BCLAF1: variants seen among roughly 807,000 people sequenced by gnomAD.
BCLAF1 encodes bcl-2-associated transcription factor 1.
Under a neutral mutation model 99.5 loss-of-function variants are expected in BCLAF1, and 10 were observed. The ratio of observed to expected loss-of-function variants is 0.10; its 90% CI spans 0.06 to 0.17. The LOEUF (loss-of-function observed/expected upper bound fraction) is 0.17. Ranked by LOEUF, BCLAF1 falls within the 10% of genes least tolerant of loss-of-function variation. BCLAF1 has a pLI of 1.00. For missense variants in BCLAF1, 636 were observed against 1,105.8 expected, an observed-to-expected ratio of 0.58 and a Z score of 6.02; for synonymous variants, 255 against 370.9, an observed-to-expected ratio of 0.69 and a Z score of 3.59.
At position 136,257,540 on chromosome 6, in the gene BCLAF1, A is replaced by T. The variant is rs1490978565; in HGVS notation, c.*3570T>A. The T allele has an allele frequency of 1.3e-5, 2 of 152,222 alleles. No individual in the cohort carries two copies. Among genetic ancestry groups the T allele is most frequent in the Non-Finnish European group, 2.9e-5 (2 of 68,014 alleles). 9.4% of individuals were successfully genotyped at this position (152,222 alleles called of 1,614,324 possible). On this transcript the variant is annotated 3_prime_UTR_variant, in exon 13 of 13. Coordinates refer to ENST00000531224, the MANE Select transcript of BCLAF1 (RefSeq NM_014739.3). ...TTCCATATATTCCTGAATCCTAAGA[A>T]ATGTAAAACTTGTTCATTTAAACTT...
intron 1 of BCLAF1, among the ~76,000 whole-genome samples, chr6:136,288,869 A>C (rs1384037615): frequency 6.6e-6 from 1 of 152,182 alleles, no homozygotes; most frequent in Non-Finnish European, 1.5e-5. Flanking sequence ...GGGCTGAATC[A>C]CTTGAAAAGA....
chr6:136,265,391 AT>A (rs1019214125), intron 11 of BCLAF1, among the ~76,000 whole-genome samples: 33 of 152,164 alleles, frequency 2.2e-4, no homozygotes, highest in African/African-American at 6.8e-4. Context: ...ACAGATTTAG[AT>A]TCCTTCCTCT....
At chr6:136,287,209 C>A (rs1785260700) in intron 1 of BCLAF1, among the ~76,000 whole-genome samples, 2 of 151,554 alleles carry the variant, frequency 1.3e-5, no homozygotes, top group African/African-American at 4.9e-5. Flanking sequence ...ACTTGGGAGG[C>A]TGAGATACGA....
At chr6:136,261,588 G>A in intron 11 of BCLAF1, 111 bp from the exon 12 acceptor site, 1 of 1,114,530 alleles carries the variant, frequency 9.0e-7, no homozygotes, top group Non-Finnish European at 1.3e-6. Context: ...TATGAGATTG[G>A]TAATATTCTA....
At chr6:136,281,528 A>G (rs1397041083) in intron 2 of BCLAF1, among the ~76,000 whole-genome samples, 3 of 152,194 alleles carry the variant, frequency 2.0e-5, no homozygotes, top group African/African-American at 7.2e-5. Context: ...ATTCATTCTG[A>G]TCGAATTTAC....
chr6:136,268,579 AG>A, intron 9 of BCLAF1: 1 of 407,438 alleles, frequency 2.5e-6, no homozygotes, highest in East Asian at 4.8e-5. Flanking sequence ...TAGTCTGTAA[AG>A]GTCAAGAATA....
intron 1 of BCLAF1, among the ~76,000 whole-genome samples, chr6:136,283,697 C>A (rs1443045586): frequency 6.6e-6 from 1 of 151,992 alleles, no homozygotes; most frequent in Non-Finnish European, 1.5e-5. Flanking sequence ...AAAAATAAAA[C>A]GAGACTGGAA....
rs1780955163 is a variant in BCLAF1, at chr6:136,261,325, T to C, written c.2697A>G (p.Glu899=). ...TATTTTCCATGGTCTCTTCTTCATC[T>C]TCAACAATCCCATCCCCTTGGTATT... ...HDKYQGDGIV[E]DEEETMENNE... is the part of the protein sequence containing the mutation. The change falls in exon 12 of 13, where the codon GAA becomes GAG. Residue 899 remains glutamate, a synonymous_variant. Coordinates refer to ENST00000531224, the MANE Select transcript of BCLAF1 (RefSeq NM_014739.3). 2 of 1,613,882 alleles carry C rather than the reference T, an allele frequency of 1.2e-6. No homozygotes were observed. The highest frequency in any genetic ancestry group is 2.7e-5 in the African/African-American group (2 of 74,918).
chr6:136,273,507 T>G, intron 6 of BCLAF1: 1 of 204,536 alleles, frequency 4.9e-6, no homozygotes. Flanking sequence ...ATGGATGCTC[T>G]AATACCTTGC....
rs1484620457 is a variant in BCLAF1, at chr6:136,261,250, G to C, written c.2757+15C>G. The stretch of plus-strand genomic sequence containing the variant: ...CAAAAAAAATCTGTCAGAATCACAA[G>C]TTGAAATTTTATACCTTTTCTTCCT... On this transcript the variant is annotated intron_variant, in intron 12 of 12. Transcript: ENST00000531224. The C allele has an allele frequency of 1.9e-6, 3 of 1,607,126 alleles. No homozygotes were observed. Among genetic ancestry groups the C allele is most frequent in the Non-Finnish European group, 2.5e-6 (3 of 1,177,604 alleles).
At chr6:136,282,833 CTT>C (rs1220931018) in intron 1 of BCLAF1, 146 bp from the exon 2 acceptor site, 1 of 152,166 alleles carries the variant, frequency 6.6e-6, no homozygotes, top group Non-Finnish European at 1.5e-5. Flanking sequence ...AAATAGGAAA[CTT>C]TTAACCGTAA....
chr6:136,288,348 G>A (rs1785448071), intron 1 of BCLAF1, among the ~76,000 whole-genome samples: 1 of 152,146 alleles, frequency 6.6e-6, no homozygotes, highest in African/African-American at 2.4e-5. Flanking sequence ...AACTCCCGCC[G>A]AGGGGCCACT....
At chr6:136,264,256 GA>G (rs2128467625) in intron 11 of BCLAF1, among the ~76,000 whole-genome samples, 1 of 152,280 alleles carries the variant, frequency 6.6e-6, no homozygotes, top group Admixed American at 6.5e-5. Flanking sequence ...ACACAGGCTG[GA>G]GTATAATGGC....
intron 1 of BCLAF1, among the ~76,000 whole-genome samples, chr6:136,288,392 G>A (rs1785455785): frequency 6.6e-6 from 1 of 152,126 alleles, no homozygotes; most frequent in Non-Finnish European, 1.5e-5. Context: ...ATCCTGAATT[G>A]GTCATGATCA....
chr6:136,273,819 T>C lies in BCLAF1; in HGVS notation c.1853-632A>G, dbSNP rs1325303276. 3 of 378,188 alleles carry C rather than the reference T, an allele frequency of 7.9e-6. No individual in the cohort carries two copies. The East Asian group carries it at 3.2e-4, about 41-fold the overall frequency. 23.4% of individuals were successfully genotyped at this position (378,188 alleles called of 1,614,324 possible). On this transcript the variant is annotated intron_variant, in intron 6 of 12. Transcript: ENST00000531224. ...TTAAACAATTTTCAAACTAGTAATA[T>C]CAATACTGATTATTTTTAAAACCAG...
chr6:136,283,600 G>T (rs1309268622), intron 1 of BCLAF1, among the ~76,000 whole-genome samples: 1 of 152,044 alleles, frequency 6.6e-6, no homozygotes, highest in Non-Finnish European at 1.5e-5. Context: ...AGAAACTAAG[G>T]AATACAAGAT....
intron 9 of BCLAF1, chr6:136,268,569 T>C (rs1427869831): frequency 2.2e-6 from 1 of 450,666 alleles, no homozygotes; most frequent in Non-Finnish European, 3.9e-6. Flanking sequence ...TAGAAAATAG[T>C]AGTCTGTAAA....
chr6:136,277,911 C>G lies in BCLAF1; in HGVS notation c.970G>C (p.Asp324His). Residue 324 changes from aspartate (D) to histidine (H), a missense_variant, in exon 4 of 13, where the codon GAT becomes CAT. Physicochemically the swap from Asp to His is moderately conservative, Grantham distance 81. Around this residue, in one of 9 missense-constraint regions of BCLAF1, gnomAD observed 186 missense variants for 275.3 expected, o/e 0.68. Coordinates refer to ENST00000531224, the MANE Select transcript of BCLAF1 (RefSeq NM_014739.3). ...TTTGCAGTTTCCTGATCTCCACCAT[C>G]AGGATAAAACGAGGAACGGCCCCTA... ...ESRGRSSFYP[D>H]GGDQETAKTG... 6.3e-7 allele frequency: 1 copy of G among 1,588,936 alleles called. No individual in the cohort carries two copies. Among genetic ancestry groups the G allele is most frequent in the Non-Finnish European group, 8.5e-7 (1 of 1,171,174 alleles).
rs144796865 is a variant in BCLAF1, at chr6:136,275,909, G to A, written c.1616C>T (p.Ala539Val). 6 of 1,612,324 alleles carry A rather than the reference G, an allele frequency of 3.7e-6. No homozygotes were observed. The highest frequency in any genetic ancestry group is 1.1e-5 in the South Asian group (1 of 90,794). Reference protein sequence around the residue: ...EESPLRIKMIASDSHRPEVKL... With the variant: ...EESPLRIKMIVSDSHRPEVKL... The stretch of plus-strand genomic sequence containing the variant: ...GACTTCAGGACGGTGAGAATCACTC[G>A]CTATCATTTTGATCCTAAGTGGGCT... Residue 539 changes from alanine to valine, a missense_variant, in exon 5 of 13, where the codon GCG (alanine) becomes GTG (valine). Coordinates refer to ENST00000531224, the MANE Select transcript of BCLAF1 (RefSeq NM_014739.3).
Sources: allele counts gnomAD v4.1 joint callset (sites outside exome capture counted in the v4.1 genomes callset), GRCh38; gene constraint gnomAD v4.1.1; regional missense constraint gnomAD v4.1.1; transcripts MANE v1.5; gene names NCBI Gene and HGNC (gene_info 2026-07-23, HGNC 2026-07-21).